The following AKAP13 variants were observed in gnomAD, a reference collection of about 807,000 sequenced individuals.
AKAP13 encodes the protein A-kinase anchoring protein 13.
Under a neutral mutation model 264.5 loss-of-function variants are expected in AKAP13, and 80 were observed. The observed-to-expected ratio is 0.30, with a 90% CI of 0.25 to 0.36. The LOEUF is 0.36. AKAP13 is among the 10% of genes least tolerant of loss of function. The pLI, the probability that AKAP13 is intolerant of heterozygous loss-of-function variation, is 1.00. For synonymous variants in AKAP13, 1,380 were observed against 1,250.2 expected (o/e 1.10, Z -2.19); for missense variants, 3,712 against 3,435.2 (o/e 1.08, Z -2.01).
Position 85,553,127 on chromosome 15 carries a change from C to A in AKAP13, c.662+9172C>A, listed in dbSNP as rs150962923. Among the ~76,000 whole-genome samples the A allele has an allele frequency of 7.8e-3, 849 of 108,300 alleles. 11 individuals carry two copies. The highest frequency in any genetic ancestry group is 0.028 in the African/African-American group (794 of 27,900). 71.0% of individuals were successfully genotyped at this position (108,300 alleles called of 152,430 possible). A position where few individuals can be genotyped will look rare whatever the true frequency, so the allele number is the denominator to read the frequency against. ...TGGAGACGGAGTTTCGCTCTTTTTGCCCAATTTGGAGTGCAATGGCGCGAT... is the reference window on the plus strand; with the variant it reads ...TGGAGACGGAGTTTCGCTCTTTTTGACCAATTTGGAGTGCAATGGCGCGAT... On this transcript the variant is annotated intron_variant, in intron 5 of 36. Coordinates refer to ENST00000394518, the MANE Select transcript of AKAP13 (RefSeq NM_007200.5).
chr15:85,643,706 C>T (rs539028048), intron 9 of AKAP13, among the ~76,000 whole-genome samples: 4 of 152,276 alleles, frequency 2.6e-5, no homozygotes, highest in Admixed American at 6.5e-5. Context: ...TAAGAAGCCC[C>T]GTTTTAGTGA....
intron 8 of AKAP13, among the ~76,000 whole-genome samples, chr15:85,600,219 A>G (rs2079994660): frequency 6.6e-6 from 1 of 152,034 alleles, no homozygotes; most frequent in Admixed American, 6.6e-5. Flanking sequence ...ACAGCTGTGT[A>G]AAGGCCCAAG....
intron 1 of AKAP13, among the ~76,000 whole-genome samples, chr15:85,481,362 A>G (rs557562400): frequency 1.3e-5 from 2 of 152,300 alleles, no homozygotes; most frequent in South Asian, 4.2e-4. Context: ...TAGGAAGAGA[A>G]TTGTAGCAGC....
chr15:85,398,158 G>A (rs1318210783), intron 1 of AKAP13, among the ~76,000 whole-genome samples: 1 of 152,136 alleles, frequency 6.6e-6, no homozygotes, highest in African/African-American at 2.4e-5. Flanking sequence ...ATGTGAAAGG[G>A]ACATCATTGT....
chr15:85,571,452 A>C (rs577855649), intron 5 of AKAP13, among the ~76,000 whole-genome samples: 1 of 152,332 alleles, frequency 6.6e-6, no homozygotes, highest in Admixed American at 6.5e-5. Context: ...AGTTGTGCCA[A>C]AAGTTGCAGT....
intron 1 of AKAP13, among the ~76,000 whole-genome samples, chr15:85,420,298 AG>A (rs2072466550): frequency 6.6e-6 from 1 of 152,010 alleles, no homozygotes; most frequent in Admixed American, 6.5e-5. Context: ...GATGGCTTCA[AG>A]ACGTAGACTG....
chr15:85,726,068 T>C (rs574846121), intron 26 of AKAP13: 95 of 184,634 alleles, frequency 5.1e-4, no homozygotes, highest in African/African-American at 2.1e-3. Context: ...CTGTTTAACA[T>C]CTGTACAAGT....
At chr15:85,521,388 C>A (rs768558176) in intron 2 of AKAP13, 40 bp from the exon 3 acceptor site, 1 of 1,604,334 alleles carries the variant, frequency 6.2e-7, no homozygotes, top group African/African-American at 1.3e-5. Flanking sequence ...CGAAGAGGAA[C>A]CTTACTAATG....
At chr15:85,679,477 T>C (rs147543400) in intron 14 of AKAP13, among the ~76,000 whole-genome samples, 41 of 152,292 alleles carry the variant, frequency 2.7e-4, no homozygotes, top group African/African-American at 9.4e-4. Context: ...TGGCCAAATA[T>C]TAGTAAATTT....
Position 85,708,098 on chromosome 15 carries a change from T to C in AKAP13, c.5532+12T>C, listed in dbSNP as rs2151689799. On this transcript the variant is annotated intron_variant, in intron 18 of 36. Transcript: ENST00000394518. This position sits in a 1 kb window ranked among gnomAD's most constrained non-coding sequence, Gnocchi z 4.3. ...AGGTCAAAATGAAGGTAAGACTTTCTGGCTAAAACAAGGCTTAAAATAAAA... is the reference window on the plus strand; with the variant it reads ...AGGTCAAAATGAAGGTAAGACTTTCCGGCTAAAACAAGGCTTAAAATAAAA... 1 of 1,613,268 alleles carries C rather than the reference T, an allele frequency of 6.2e-7. No individual in the cohort carries two copies. Among genetic ancestry groups the C allele is most frequent in the Non-Finnish European group, 8.5e-7 (1 of 1,179,514 alleles).
At chr15:85,594,165 G>C (rs1001736955) in intron 8 of AKAP13, among the ~76,000 whole-genome samples, 4 of 152,136 alleles carry the variant, frequency 2.6e-5, no homozygotes, top group African/African-American at 9.7e-5. Flanking sequence ...AGTTATATCA[G>C]GCCACAGTGG....
intron 1 of AKAP13, chr15:85,415,392 A>G (rs530932491): frequency 6.2e-7 from 1 of 1,605,934 alleles, no homozygotes; most frequent in Admixed American, 1.7e-5. Context: ...CACCATAAAA[A>G]CCGAGAGCAC....
chr15:85,718,843 T>G lies in AKAP13; in HGVS notation c.6002-233T>G. ...TGAGCCCAGGAGGTTGAGGCTGCAA[T>G]GAGCCATGACTTCAGCCTGCACTTC... On this transcript the variant is annotated intron_variant, in intron 22 of 36. Coordinates refer to ENST00000394518, the MANE Select transcript of AKAP13 (RefSeq NM_007200.5). The surrounding 1 kb of genome is among the most constrained non-coding windows in gnomAD (Gnocchi z 4.9). 2.0e-6 allele frequency: 1 copy of G among 491,286 alleles called. No homozygotes were observed. The allele number at this position is 491,286 out of a possible 1,614,324, so 30.4% of individuals were successfully genotyped here.
chr15:85,456,256 C>T (rs2074274580), intron 1 of AKAP13, among the ~76,000 whole-genome samples: 2 of 152,098 alleles, frequency 1.3e-5, no homozygotes, highest in Non-Finnish European at 2.9e-5. Flanking sequence ...ATTGTTTAGT[C>T]ACTTGGATAT....
At chr15:85,400,643 T>G (rs1025150655) in intron 1 of AKAP13, among the ~76,000 whole-genome samples, 1 of 152,112 alleles carries the variant, frequency 6.6e-6, no homozygotes, top group Non-Finnish European at 1.5e-5. Flanking sequence ...TCATAATATT[T>G]GTGAAGGTTT....
chr15:85,596,992 A>G (rs2079849454), intron 8 of AKAP13, among the ~76,000 whole-genome samples: 1 of 152,178 alleles, frequency 6.6e-6, no homozygotes, highest in South Asian at 2.1e-4. Flanking sequence ...ATTGCTTGGA[A>G]TCCCCTTGAA....
chr15:85,581,610 A>G lies in AKAP13; in HGVS notation c.3542A>G (p.Asp1181Gly), dbSNP rs367642917. Residue 1181 changes from aspartate (D) to glycine (G), a missense_variant, in exon 7 of 37, where the codon GAT (aspartate) becomes GGT (glycine). Coordinates refer to ENST00000394518, the MANE Select transcript of AKAP13 (RefSeq NM_007200.5). ...MGDAEEAQID[D>G]EAHPVLLQPV... ...GACGCTGAGGAAGCCCAAATAGACG[A>G]TGAAGCACATCCTGTCCTACTGCAG... is the stretch of plus-strand genomic sequence containing the variant. 357 of 1,614,014 alleles carry G rather than the reference A, an allele frequency of 2.2e-4. No individual in the cohort carries two copies. The highest frequency in any genetic ancestry group is 2.9e-4 in the Non-Finnish European group (345 of 1,180,030).
chr15:85,636,843 G>A (rs576756907), intron 8 of AKAP13, among the ~76,000 whole-genome samples: 68 of 152,284 alleles, frequency 4.5e-4, no homozygotes, highest in African/African-American at 1.6e-3. Flanking sequence ...TTGAACTCCT[G>A]ACCTGAAGTG....
chr15:85,603,987 C>T (rs955288631), intron 8 of AKAP13, among the ~76,000 whole-genome samples: 3 of 152,160 alleles, frequency 2.0e-5, no homozygotes, highest in Non-Finnish European at 4.4e-5. Flanking sequence ...TCACATTTCT[C>T]ACACATGGCA....
Sources: gnomAD v4.1 joint callset for allele counts (sites outside exome capture counted in the v4.1 genomes callset) on GRCh38, gnomAD v4.1.1 for gene constraint, Gnocchi (gnomAD v3.1) non-coding constraint, MANE v1.5 for transcripts, NCBI Gene and HGNC (gene_info 2026-07-23, HGNC 2026-07-21) for gene names.